RBFOX1: variants seen among roughly 807,000 people sequenced by gnomAD.
RBFOX1 encodes the protein RNA binding fox-1 homolog 1.
RBFOX1 carries 8 observed loss-of-function variants against 57.7 expected under a neutral mutation model. That is an observed-to-expected ratio of 0.14 (90% CI 0.08 to 0.25). RBFOX1 has a LOEUF of 0.25. Ranked by LOEUF, RBFOX1 falls within the 10% of genes least tolerant of loss-of-function variation. The pLI is 1.00. For missense variants in RBFOX1, 611 were observed against 548.5 expected (o/e 1.11, Z -1.14); for synonymous variants, 326 against 222.4 (o/e 1.47, Z -4.15).
chr16:6,398,344 C>T (rs2092926119), intron 2 of RBFOX1, among the ~76,000 whole-genome samples: 1 of 152,134 alleles, frequency 6.6e-6, no homozygotes. Flanking sequence ...TTTAAAAACA[C>T]AATTATTCCT....
chr16:7,360,717 AACACACAGCCAATGTCCC>A (rs2097304314), intron 4 of RBFOX1, among the ~76,000 whole-genome samples: 1 of 152,200 alleles, frequency 6.6e-6, no homozygotes, highest in Non-Finnish European at 1.5e-5. Flanking sequence ...TAATGCTGTC[AACACACAGCCAATGTCCC>A]ACACACTGGG....
intron 3 of RBFOX1, among the ~76,000 whole-genome samples, chr16:6,846,979 C>G (rs2093791581): frequency 6.6e-6 from 1 of 151,840 alleles, no homozygotes; most frequent in Admixed American, 6.6e-5. Flanking sequence ...AAAGTGATTT[C>G]CTTCTTTCTG....
At chr16:6,769,486 G>T (rs531747083) in intron 3 of RBFOX1, among the ~76,000 whole-genome samples, 1 of 152,308 alleles carries the variant, frequency 6.6e-6, no homozygotes, top group East Asian at 1.9e-4. Flanking sequence ...GCAGCATTCT[G>T]TAGTTTGTAT....
At chr16:6,267,517 G>A (rs1326417223) in intron 1 of RBFOX1, among the ~76,000 whole-genome samples, 2 of 152,120 alleles carry the variant, frequency 1.3e-5, no homozygotes, top group Non-Finnish European at 2.9e-5. Context: ...TGATTCCTTT[G>A]TGAAAACGAG....
chr16:6,784,694 A>ATT (rs36025472), intron 3 of RBFOX1, among the ~76,000 whole-genome samples: 8 of 145,902 alleles, frequency 5.5e-5, no homozygotes, highest in African/African-American at 1.7e-4. Context: ...TTAATGTCTG[A>ATT]TTTTTTTTTT....
At chr16:7,702,036 G>A (rs999915461) in intron 14 of RBFOX1, among the ~76,000 whole-genome samples, 3 of 152,168 alleles carry the variant, frequency 2.0e-5, no homozygotes, top group African/African-American at 7.2e-5. Context: ...ATAGTGCACT[G>A]AGATAACTTG....
chr16:5,935,190 TC>T (rs765194307), intron 4 of RBFOX1, among the ~76,000 whole-genome samples: 1 of 152,118 alleles, frequency 6.6e-6, no homozygotes, highest in Non-Finnish European at 1.5e-5. Flanking sequence ...CCCTGACCAA[TC>T]CCCTACAATC....
At chr16:5,832,918 A>T (rs978840350) in intron 3 of RBFOX1, among the ~76,000 whole-genome samples, 2 of 152,192 alleles carry the variant, frequency 1.3e-5, no homozygotes, top group Non-Finnish European at 2.9e-5. Context: ...GGGTATCCCC[A>T]GGCTGTAGAA....
chr16:7,693,275 C>G (rs764556194), intron 14 of RBFOX1: 24 of 1,585,394 alleles, frequency 1.5e-5, no homozygotes, highest in African/African-American at 2.7e-5. Flanking sequence ...CACATTTCCC[C>G]CTGAGCGAGC....
intron 12 of RBFOX1, 146 bp downstream of exon 12, chr16:7,654,093 T>C (rs570797082): frequency 2.5e-6 from 2 of 786,530 alleles, no homozygotes; most frequent in Non-Finnish European, 3.9e-6. Context: ...GCCGCGCACC[T>C]GCAGTGGAGC....
chr16:5,607,123 G>A (rs72763282), intron 3 of RBFOX1, among the ~76,000 whole-genome samples: 1 of 152,232 alleles, frequency 6.6e-6, no homozygotes, highest in East Asian at 1.9e-4. Context: ...GGAGCAGAGG[G>A]GTCACCAGCT....
intron 4 of RBFOX1, among the ~76,000 whole-genome samples, chr16:7,338,880 C>G (rs764628827): frequency 1.3e-5 from 2 of 152,122 alleles, no homozygotes; most frequent in South Asian, 2.1e-4. Flanking sequence ...TATTGCTGCC[C>G]TGCGATTTTA....
At chr16:7,317,619 T>A (rs1026134624) in intron 4 of RBFOX1, among the ~76,000 whole-genome samples, 4 of 152,082 alleles carry the variant, frequency 2.6e-5, no homozygotes, top group Non-Finnish European at 5.9e-5. Flanking sequence ...GGGTGAGAAG[T>A]GGGGAGTCAT....
intron 2 of RBFOX1, among the ~76,000 whole-genome samples, chr16:5,509,805 A>G (rs1462764980): frequency 6.6e-6 from 1 of 152,188 alleles, no homozygotes; most frequent in African/African-American, 2.4e-5. Flanking sequence ...TCTTGGAGGC[A>G]AAGTTGACAG....
chr16:5,982,717 C>G (rs2060198829), intron 4 of RBFOX1, among the ~76,000 whole-genome samples: 1 of 152,196 alleles, frequency 6.6e-6, no homozygotes, highest in African/African-American at 2.4e-5. Context: ...AAGCAGCCCC[C>G]TTGTCATCTC....
chr16:5,442,522 A>G (rs1257584905), intron 1 of RBFOX1, among the ~76,000 whole-genome samples: 5 of 152,202 alleles, frequency 3.3e-5, no homozygotes, highest in Non-Finnish European at 7.3e-5. Flanking sequence ...GAGGATGATA[A>G]TGTCGTAAAG....
intron 1 of RBFOX1, among the ~76,000 whole-genome samples, chr16:5,361,048 C>T (rs941859608): frequency 6.6e-6 from 1 of 152,192 alleles, no homozygotes; most frequent in Non-Finnish European, 1.5e-5. Context: ...ATAGACAACA[C>T]AGAGTGCTTA....
rs1159522469 is a variant in RBFOX1, at chr16:7,712,720, G to C, written c.*1975G>C. 1 of 152,174 alleles carries C rather than the reference G, an allele frequency of 6.6e-6. No individual in the cohort carries two copies. The highest frequency in any genetic ancestry group is 1.5e-5 in the Non-Finnish European group (1 of 68,046). The allele number at this position is 152,174 out of a possible 1,614,324, so 9.4% of individuals were successfully genotyped here. ...ACAGTGTTATGGCAATGGGTGCCTG[G>C]TTGATGTTCTTAAAGGAAACGAATT... On this transcript the variant is annotated 3_prime_UTR_variant, in exon 16 of 16. Coordinates refer to ENST00000550418, the MANE Select transcript of RBFOX1 (RefSeq NM_018723.4).
At position 6,721,811 on chromosome 16, in the gene RBFOX1, C is replaced by T. The variant is rs564403159; in HGVS notation, c.-16+67161C>T. 3.3e-4 allele frequency: 51 copies of T among 152,804 alleles called. 1 individual carries two copies. The highest frequency in any genetic ancestry group is 1.2e-3 in the African/African-American group (49 of 41,538). The allele number at this position is 152,804 out of a possible 1,614,324, so 9.5% of individuals were successfully genotyped here. A position where few individuals can be genotyped will look rare whatever the true frequency, so the allele number is the denominator to read the frequency against. On this transcript the variant is annotated intron_variant, in intron 3 of 15. Transcript: ENST00000550418. ...TTCCTTTTGGGCGTGGAAATTCCCA[C>T]TCATTTCAGGGATCACGCTCACACG...
Sources: allele counts gnomAD v4.1 joint callset (sites outside exome capture counted in the v4.1 genomes callset), GRCh38; gene constraint gnomAD v4.1.1; transcripts MANE v1.5; gene names NCBI Gene and HGNC (gene_info 2026-07-23, HGNC 2026-07-21).